Variants in INTS14 observed in about 807,000 individuals in gnomAD.
INTS14 encodes integrator complex subunit 14.
In INTS14, 27 loss-of-function variants were observed where a neutral mutation model predicts 56.9. The observed-to-expected ratio is 0.47, with a 90% CI of 0.35 to 0.65. The LOEUF is 0.65. Ranked by LOEUF, INTS14 falls within the 30% of genes least tolerant of loss-of-function variation. INTS14 has a pLI of 0.00. For synonymous variants in INTS14, 207 were observed against 236.2 expected, an observed-to-expected ratio of 0.88 and a Z score of 1.13; for missense variants, 517 against 632.2, an observed-to-expected ratio of 0.82 and a Z score of 1.95.
At position 65,598,921 on chromosome 15, in the gene INTS14, A is replaced by C. The variant is rs1347137210; in HGVS notation, c.556T>G (p.Phe186Val). ...AAGCACAGGGGGCCATCAATAGTAA[A>C]AATCTGCCCTTCACCATTGTTTAAA... ...IDLNNGEGQI[F>V]TIDGPLCLKN... The change falls in exon 5 of 12, where the codon TTT (phenylalanine) becomes GTT (valine). Residue 186 changes from phenylalanine to valine, a missense_variant. Transcript: ENST00000313182. The C allele has an allele frequency of 3.7e-6, 6 of 1,614,058 alleles. No individual in the cohort carries two copies. The highest frequency in any genetic ancestry group is 1.1e-5 in the South Asian group (1 of 91,068).
chr15:65,607,101 T>C, intron 2 of INTS14, 58 bp downstream of exon 2: 2 of 1,583,704 alleles, frequency 1.3e-6, no homozygotes, highest in South Asian at 1.1e-5. Context: ...ATTATAACAC[T>C]GTTTTCCTCC....
At chr15:65,590,492 C>A (rs1671855484) in intron 9 of INTS14, among the ~76,000 whole-genome samples, 1 of 152,238 alleles carries the variant, frequency 6.6e-6, no homozygotes, top group Non-Finnish European at 1.5e-5. Flanking sequence ...CCCTCCCACA[C>A]CCACTCTCAC....
chr15:65,593,587 G>C lies in INTS14; in HGVS notation c.842-15C>G. Reference sequence around the variant, plus strand: ...CTCATCACCTTCTGTGAAAAAAAGAGAAAACAGGTCAGACTGAAATTACCT... The same window carrying C: ...CTCATCACCTTCTGTGAAAAAAAGACAAAACAGGTCAGACTGAAATTACCT... On this transcript the variant is annotated splice_polypyrimidine_tract_variant and intron_variant, in intron 7 of 11. Coordinates refer to ENST00000313182, the MANE Select transcript of INTS14 (RefSeq NM_001394796.1). The C allele has an allele frequency of 6.2e-7, 1 of 1,604,698 alleles. No individual in the cohort carries two copies. The highest frequency in any genetic ancestry group is 8.5e-7 in the Non-Finnish European group (1 of 1,176,666).
intron 2 of INTS14, 110 bp downstream of exon 2, chr15:65,607,049 A>G: frequency 7.5e-7 from 1 of 1,340,942 alleles, no homozygotes. Flanking sequence ...TTAAGTACTC[A>G]TAGACTTATT....
chr15:65,593,097 A>T (rs2174331), intron 8 of INTS14, among the ~76,000 whole-genome samples: 29,856 of 99,424 alleles, frequency 0.3, 3,872 homozygotes, highest in East Asian at 0.74. Context: ...TCTATAAATT[A>T]AAAAAAAAAA....
intron 8 of INTS14, among the ~76,000 whole-genome samples, chr15:65,592,998 G>A (rs959359416): frequency 3.9e-5 from 6 of 152,070 alleles, no homozygotes; most frequent in East Asian, 3.9e-4. Context: ...CTCAATGCCC[G>A]TAATCCCAGC....
At chr15:65,596,761 G>A (rs2073227812) in intron 6 of INTS14, among the ~76,000 whole-genome samples, 1 of 152,014 alleles carries the variant, frequency 6.6e-6, no homozygotes, top group African/African-American at 2.4e-5. Context: ...GTAGAAACGG[G>A]GTTTCTCCAT....
intron 7 of INTS14, among the ~76,000 whole-genome samples, chr15:65,594,833 T>G (rs1348475924): frequency 6.6e-6 from 1 of 152,190 alleles, no homozygotes; most frequent in Non-Finnish European, 1.5e-5. Flanking sequence ...GGCTGTTCTC[T>G]GAGAATAATA....
chr15:65,580,915 G>A (rs2141242198), intron 11 of INTS14, among the ~76,000 whole-genome samples: 1 of 152,266 alleles, frequency 6.6e-6, no homozygotes, highest in East Asian at 1.9e-4. Context: ...TCATAAATGT[G>A]TAATGTTAGA....
At position 65,608,254 on chromosome 15, in the gene INTS14, G is replaced by A. The variant is rs117749333; in HGVS notation, c.-62-812C>T. On this transcript the variant is annotated intron_variant, in intron 1 of 11. Coordinates refer to ENST00000313182, the MANE Select transcript of INTS14 (RefSeq NM_001394796.1). ...AGCCAGGCATGGTGGCTACTTGGGA[G>A]GCTGAGGCACGAAGATCCCTTGAAC... Among the ~76,000 whole-genome samples, 91 of 151,676 alleles carry A rather than the reference G, an allele frequency of 6.0e-4. 2 individuals are homozygous for A. The East Asian group carries it at 0.014, about 24-fold the overall frequency.
At chr15:65,601,057 A>G (rs1356940502) in intron 3 of INTS14, among the ~76,000 whole-genome samples, 4 of 152,222 alleles carry the variant, frequency 2.6e-5, no homozygotes, top group Admixed American at 2.6e-4. Flanking sequence ...ATTTTCAAAG[A>G]TGACAAACTC....
At chr15:65,604,336 C>T (rs1212744905) in intron 3 of INTS14, among the ~76,000 whole-genome samples, 1 of 152,192 alleles carries the variant, frequency 6.6e-6, no homozygotes, top group African/African-American at 2.4e-5. Flanking sequence ...TCCACCTCAG[C>T]CTCCCAAACT....
chr15:65,604,730 CAA>C lies in INTS14; in HGVS notation c.330+397_330+398del, dbSNP rs1040822777. On this transcript the variant is annotated intron_variant, in intron 3 of 11. Transcript: ENST00000313182. Reference sequence around the variant, plus strand: ...GGGCAACAAAGTGAGACCCTGTCTCCAAAAAAAAAAAAAAAAAAAAGTCTGCT... The same window carrying C: ...GGGCAACAAAGTGAGACCCTGTCTCCAAAAAAAAAAAAAAAAAAGTCTGCT... Among the ~76,000 whole-genome samples, 34 of 62,508 alleles carry C rather than the reference CAA, an allele frequency of 5.4e-4. No individual in the cohort carries two copies. The East Asian group carries it at 0.012, about 22-fold the overall frequency. 41.0% of individuals were successfully genotyped at this position (62,508 alleles called of 152,430 possible). A position where few individuals can be genotyped will look rare whatever the true frequency, so the allele number is the denominator to read the frequency against.
intron 1 of INTS14, 123 bp downstream of exon 1, chr15:65,610,975 C>A (rs747096163): frequency 2.4e-5 from 35 of 1,487,948 alleles, no homozygotes; most frequent in Non-Finnish European, 2.7e-5. Flanking sequence ...CAGCGCGGGG[C>A]GGCCGCCACG....
rs761091594 is a variant in INTS14 at position 65,595,713 on chromosome 15, T to C, written c.841+20A>G. ...TAGTTAATAAGACGCTTCAGACGTA[T>C]CAGTGGAATAGGAACTCACCTTTGT... On this transcript the variant is annotated intron_variant, in intron 7 of 11. Transcript: ENST00000313182. 1.3e-6 allele frequency: 2 copies of C among 1,563,348 alleles called. No individual in the cohort carries two copies. Among genetic ancestry groups the C allele is most frequent in the Non-Finnish European group, 1.7e-6 (2 of 1,144,290 alleles).
chr15:65,592,155 C>T (rs1445579319), intron 8 of INTS14, among the ~76,000 whole-genome samples: 1 of 152,232 alleles, frequency 6.6e-6, no homozygotes, highest in Non-Finnish European at 1.5e-5. Context: ...AAAAGAGACT[C>T]TGTCCCCAGT....
intron 1 of INTS14, chr15:65,610,849 G>T (rs2141352046): frequency 6.5e-7 from 1 of 1,530,440 alleles, no homozygotes; most frequent in African/African-American, 1.4e-5. Flanking sequence ...TGGAAAGAGG[G>T]GGCAGAGGGG....
intron 3 of INTS14, among the ~76,000 whole-genome samples, chr15:65,604,087 T>G (rs574560410): frequency 2.0e-5 from 3 of 152,324 alleles, no homozygotes; most frequent in African/African-American, 7.2e-5. Context: ...ACAGACTTTA[T>G]GTTTGTTTGT....
At position 65,606,252 on chromosome 15, in the gene INTS14, C is replaced by CAAAAA. The variant is rs372473798; in HGVS notation, c.222+902_222+906dup. ...CCTGGGCGACAGCGAGACTCCGTCT[C>CAAAAA]AAAAAAAAAAAAAAAAAAAATCTGA... is the stretch of plus-strand genomic sequence containing the variant. On this transcript the variant is annotated intron_variant, in intron 2 of 11. Transcript: ENST00000313182. Among the ~76,000 whole-genome samples, 503 of 62,400 alleles carry CAAAAA rather than the reference C, an allele frequency of 8.1e-3. 8 individuals are homozygous for CAAAAA. The highest frequency in any genetic ancestry group is 0.026 in the African/African-American group (472 of 17,848). The allele number at this position is 62,400 out of a possible 152,430, so 40.9% of individuals were successfully genotyped here. A position where few individuals can be genotyped will look rare whatever the true frequency, so the allele number is the denominator to read the frequency against.
Sources: gnomAD v4.1 joint callset for allele counts (sites outside exome capture counted in the v4.1 genomes callset) on GRCh38, gnomAD v4.1.1 for gene constraint, MANE v1.5 for transcripts, NCBI Gene and HGNC (gene_info 2026-07-23, HGNC 2026-07-21) for gene names.